GFOD1: variants seen among roughly 807,000 people sequenced by gnomAD.
GFOD1 encodes Gfo/Idh/MocA-like oxidoreductase domain containing 1.
A neutral mutation model predicts 25.4 loss-of-function variants in GFOD1; 9 were observed. The ratio of observed to expected loss-of-function variants is 0.35; its 90% CI spans 0.21 to 0.62. The LOEUF is 0.62. Ranked by LOEUF, GFOD1 falls within the 20% of genes least tolerant of loss-of-function variation. The pLI, the probability that GFOD1 is intolerant of heterozygous loss-of-function variation, is 0.72. For synonymous variants in GFOD1, 253 were observed against 245.6 expected (o/e 1.03, Z -0.28); for missense variants, 403 against 556.9 (o/e 0.72, Z 2.78).
intron 1 of GFOD1, among the ~76,000 whole-genome samples, chr6:13,381,793 C>A (rs1011558657): frequency 6.6e-6 from 1 of 152,006 alleles, no homozygotes; most frequent in Non-Finnish European, 1.5e-5. Context: ...TCCTCCTCCC[C>A]CAAGCCCTCA....
chr6:13,424,138 G>A (rs577430538), intron 1 of GFOD1, among the ~76,000 whole-genome samples: 3 of 152,196 alleles, frequency 2.0e-5, no homozygotes, highest in East Asian at 1.9e-4. Flanking sequence ...GATTACAGGC[G>A]TGAGCCACTG....
At chr6:13,385,158 C>T (rs1785443296) in intron 1 of GFOD1, among the ~76,000 whole-genome samples, 1 of 152,092 alleles carries the variant, frequency 6.6e-6, no homozygotes, top group South Asian at 2.1e-4. Flanking sequence ...GCTTGGCAAC[C>T]ACTGCCATCC....
At chr6:13,367,869 G>T (rs761892680) in intron 1 of GFOD1, among the ~76,000 whole-genome samples, 2 of 152,122 alleles carry the variant, frequency 1.3e-5, no homozygotes, top group Non-Finnish European at 2.9e-5. Flanking sequence ...GGTCTCTGTG[G>T]TCTAGGCATG....
chr6:13,399,853 C>T (rs1246773047), intron 1 of GFOD1, among the ~76,000 whole-genome samples: 1 of 152,178 alleles, frequency 6.6e-6, no homozygotes, highest in Non-Finnish European at 1.5e-5. Flanking sequence ...CCAAAACTCA[C>T]AAAGCTATAC....
intron 1 of GFOD1, among the ~76,000 whole-genome samples, chr6:13,408,510 A>T (rs1422192439): frequency 6.6e-6 from 1 of 152,198 alleles, no homozygotes; most frequent in Non-Finnish European, 1.5e-5. Flanking sequence ...GGGAGAAAAG[A>T]TAATGAGGAG....
intron 1 of GFOD1, among the ~76,000 whole-genome samples, chr6:13,415,817 G>T (rs757503584): frequency 6.6e-6 from 1 of 152,206 alleles, no homozygotes; most frequent in East Asian, 1.9e-4. Flanking sequence ...TGGCTATGGT[G>T]ACTGGTGTCT....
intron 1 of GFOD1, among the ~76,000 whole-genome samples, chr6:13,444,449 G>C (rs1262080410): frequency 6.7e-6 from 1 of 150,106 alleles, no homozygotes; most frequent in Non-Finnish European, 1.5e-5. Context: ...TAATCTGTAT[G>C]ACAAACCCTT....
rs776190532 is a variant in GFOD1 at position 13,364,949 on chromosome 6, G to A, written c.967C>T (p.Arg323Trp). The change falls in exon 2 of 2, where the codon CGG becomes TGG. Residue 323 changes from arginine to tryptophan, a missense_variant. Coordinates refer to ENST00000379287, the MANE Select transcript of GFOD1 (RefSeq NM_018988.4). This position sits in a 1 kb window ranked among gnomAD's most constrained non-coding sequence, Gnocchi z 4.1. ...AGGGGCCGCCCATCCCACGTGCGCC[G>A]GTCGTCCTGGTCCTGGAAGGCCTGG... ...VRQAFQDQDD[R>W]RTWDGRPLTM... 6.8e-6 allele frequency: 11 copies of A among 1,610,646 alleles called. No homozygotes were observed. The highest frequency in any genetic ancestry group is 1.3e-5 in the African/African-American group (1 of 74,936).
intron 1 of GFOD1, chr6:13,408,030 G>T: frequency 1.0e-6 from 1 of 985,388 alleles, no homozygotes; most frequent in Non-Finnish European, 1.2e-6. Context: ...CTATAATCTG[G>T]TGAAGGCATG....
At chr6:13,443,632 A>G (rs1053723695) in intron 1 of GFOD1, among the ~76,000 whole-genome samples, 2 of 152,198 alleles carry the variant, frequency 1.3e-5, no homozygotes, top group Admixed American at 6.5e-5. Flanking sequence ...CCTGGCCAAC[A>G]TGGTGAAACC....
At chr6:13,397,892 A>G (rs1455175544) in intron 1 of GFOD1, among the ~76,000 whole-genome samples, 5 of 152,246 alleles carry the variant, frequency 3.3e-5, no homozygotes, top group Admixed American at 6.5e-5. Context: ...CAAATTTTGC[A>G]TTAATTTTTA....
chr6:13,440,967 T>C (rs184936112), intron 1 of GFOD1, among the ~76,000 whole-genome samples: 2 of 152,298 alleles, frequency 1.3e-5, no homozygotes, highest in Admixed American at 1.3e-4. Flanking sequence ...TGGATGGGAA[T>C]AAAAAGAATA....
At chr6:13,391,689 G>T (rs1416606902) in intron 1 of GFOD1, among the ~76,000 whole-genome samples, 1 of 152,114 alleles carries the variant, frequency 6.6e-6, no homozygotes, top group African/African-American at 2.4e-5. Flanking sequence ...CCAGACCAAG[G>T]GCTGAGTCTG....
chr6:13,435,505 G>T (rs1757819956), intron 1 of GFOD1, among the ~76,000 whole-genome samples: 1 of 152,152 alleles, frequency 6.6e-6, no homozygotes, highest in South Asian at 2.1e-4. Flanking sequence ...TAGCTCCAAA[G>T]AAACTATACC....
chr6:13,428,705 G>A (rs1315293028), intron 1 of GFOD1, among the ~76,000 whole-genome samples: 2 of 152,112 alleles, frequency 1.3e-5, no homozygotes, highest in African/African-American at 4.8e-5. Context: ...CCCCTCCCAG[G>A]GCGGGCGGCA....
chr6:13,363,555 CTTTTTTTT>C lies in GFOD1; in HGVS notation c.*1180_*1187del, dbSNP rs72062296. Reference sequence around the variant, plus strand: ...GCAAATGCTGGAGCTAAGGAAAATCCTTTTTTTTTTTTTTTTTTTTTTTTTTTTTGTAA... The same window carrying C: ...GCAAATGCTGGAGCTAAGGAAAATCCTTTTTTTTTTTTTTTTTTTTTGTAA... On this transcript the variant is annotated 3_prime_UTR_variant, in exon 2 of 2. Transcript: ENST00000379287. 2.3e-4 allele frequency: 18 copies of C among 78,970 alleles called. No individual in the cohort carries two copies. The Admixed American group carries it at 2.3e-3, about 10-fold the overall frequency. The allele number at this position is 78,970 out of a possible 1,614,324, so 4.9% of individuals were successfully genotyped here. A position where few individuals can be genotyped will look rare whatever the true frequency, so the allele number is the denominator to read the frequency against.
chr6:13,427,032 T>C (rs1757644129), intron 1 of GFOD1, among the ~76,000 whole-genome samples: 1 of 152,222 alleles, frequency 6.6e-6, no homozygotes. Context: ...TGGCAAAGCA[T>C]TTTTTGTAAA....
chr6:13,363,181 G>A lies in GFOD1; in HGVS notation c.*1562C>T, dbSNP rs1021685601. On this transcript the variant is annotated 3_prime_UTR_variant, in exon 2 of 2. Transcript: ENST00000379287. Reference sequence around the variant, plus strand: ...TGAATTTTTAAAGAATGGTTTCAGCGACATTTGTCGGTAGCAACCATTCAA... The same window carrying A: ...TGAATTTTTAAAGAATGGTTTCAGCAACATTTGTCGGTAGCAACCATTCAA... 6.6e-6 allele frequency: 1 copy of A among 151,902 alleles called. No individual in the cohort carries two copies. Among genetic ancestry groups the A allele is most frequent in the Non-Finnish European group, 1.5e-5 (1 of 68,016 alleles). The allele number at this position is 151,902 out of a possible 1,614,324, so 9.4% of individuals were successfully genotyped here. A position where few individuals can be genotyped will look rare whatever the true frequency, so the allele number is the denominator to read the frequency against.
chr6:13,442,593 G>A (rs1398636300), intron 1 of GFOD1, among the ~76,000 whole-genome samples: 1 of 152,214 alleles, frequency 6.6e-6, no homozygotes, highest in African/African-American at 2.4e-5. Flanking sequence ...GGCCAATGCA[G>A]CTGGTGACTT....
Sources: allele counts gnomAD v4.1 joint callset (sites outside exome capture counted in the v4.1 genomes callset), GRCh38; gene constraint gnomAD v4.1.1; non-coding constraint Gnocchi (gnomAD v3.1); transcripts MANE v1.5; gene names NCBI Gene and HGNC (gene_info 2026-07-23, HGNC 2026-07-21).